SPOCK3: variants seen among roughly 807,000 people sequenced by gnomAD.
SPOCK3 encodes SPARC (osteonectin), cwcv and kazal like domains proteoglycan 3, also known as testican-3.
In SPOCK3, 30 loss-of-function variants were observed where a neutral mutation model predicts 56.6. The observed-to-expected ratio is 0.53, with a 90% confidence interval of 0.40 to 0.72. The LOEUF (loss-of-function observed/expected upper bound fraction) is 0.72, where lower values mean the gene tolerates loss of function less well. Among genes scored for constraint, SPOCK3 ranks in the 30% least tolerant of loss-of-function variants. The pLI is 0.00. For synonymous variants in SPOCK3, 196 were observed against 183.3 expected (o/e 1.07, Z -0.56); for missense variants, 527 against 530.0 (o/e 0.99, Z 0.06).
intron 2 of SPOCK3, among the ~76,000 whole-genome samples, chr4:167,176,834 G>A (rs575155350): frequency 1.6e-4 from 24 of 152,242 alleles, no homozygotes; most frequent in African/African-American, 5.3e-4. Flanking sequence ...GTGGTTCACG[G>A]GGGCAGAGAG....
intron 4 of SPOCK3, among the ~76,000 whole-genome samples, chr4:166,946,773 T>C (rs1252593290): frequency 6.6e-6 from 1 of 152,222 alleles, no homozygotes; most frequent in African/African-American, 2.4e-5. Context: ...TACACTATAA[T>C]GTAAGTACAG....
chr4:166,811,846 T>G (rs1422516063), intron 6 of SPOCK3, among the ~76,000 whole-genome samples: 2 of 151,916 alleles, frequency 1.3e-5, no homozygotes, highest in Non-Finnish European at 2.9e-5. Flanking sequence ...TAGTATTTTT[T>G]TATTACTACT....
intron 5 of SPOCK3, among the ~76,000 whole-genome samples, chr4:166,903,024 C>CTGT (rs1736222623): frequency 6.7e-6 from 1 of 149,298 alleles, no homozygotes; most frequent in Non-Finnish European, 1.5e-5. Flanking sequence ...ACTCTTGCTC[C>CTGT]TGTTAGCTTG....
intron 2 of SPOCK3, among the ~76,000 whole-genome samples, chr4:167,063,965 CAT>C (rs1201276836): frequency 6.6e-6 from 1 of 151,840 alleles, no homozygotes; most frequent in African/African-American, 2.4e-5. Context: ...CTGTGATAAA[CAT>C]ATGAGTGCAA....
intron 2 of SPOCK3, among the ~76,000 whole-genome samples, chr4:167,154,627 C>T (rs1475186725): frequency 6.6e-6 from 1 of 152,116 alleles, no homozygotes; most frequent in Non-Finnish European, 1.5e-5. Flanking sequence ...ACAATCCTCC[C>T]ATAACCTGTT....
intron 2 of SPOCK3, among the ~76,000 whole-genome samples, chr4:167,145,261 T>C (rs1039933801): frequency 6.6e-6 from 1 of 152,026 alleles, no homozygotes; most frequent in Admixed American, 6.6e-5. Flanking sequence ...GTGGAAGAAG[T>C]AGCTGGGCAG....
Position 167,182,601 on chromosome 4 carries a change from G to A in SPOCK3, c.189+51384C>T, listed in dbSNP as rs367979367. Among the ~76,000 whole-genome samples, 17 of 151,758 alleles carry A rather than the reference G, an allele frequency of 1.1e-4. No individual in the cohort carries two copies. In the East Asian group the frequency reaches 1.6e-3, roughly 14 times the overall value. ...ATTGCCCAGGCTGGAGTGTAGTGGTGCAATCTTAGCTTACTGCAACCCCTG... is the reference window on the plus strand; with the variant it reads ...ATTGCCCAGGCTGGAGTGTAGTGGTACAATCTTAGCTTACTGCAACCCCTG... On this transcript the variant is annotated intron_variant, in intron 2 of 10. Transcript: ENST00000357545.
rs2111195684 is a variant in SPOCK3 at position 167,233,967 on chromosome 4, T to G, written c.189+18A>C. 1 of 1,607,512 alleles carries G rather than the reference T, an allele frequency of 6.2e-7. No individual in the cohort carries two copies. Among genetic ancestry groups the G allele is most frequent in the Non-Finnish European group, 8.5e-7 (1 of 1,174,518 alleles). On this transcript the variant is annotated intron_variant, in intron 2 of 10. Transcript: ENST00000357545. ...CAGCGCGCGCGTGTGCCCGGGGATGTGGGTGCGCGGAACTTACGTCTCGGA... is the reference window on the plus strand; with the variant it reads ...CAGCGCGCGCGTGTGCCCGGGGATGGGGGTGCGCGGAACTTACGTCTCGGA...
chr4:166,915,639 G>T (rs920098062), intron 4 of SPOCK3, among the ~76,000 whole-genome samples: 1 of 152,098 alleles, frequency 6.6e-6, no homozygotes, highest in African/African-American at 2.4e-5. Context: ...CATTGTATAG[G>T]TGAAGATGAG....
intron 6 of SPOCK3, among the ~76,000 whole-genome samples, chr4:166,875,330 AT>A (rs1732963435): frequency 6.6e-6 from 1 of 152,068 alleles, no homozygotes; most frequent in African/African-American, 2.4e-5. Context: ...TATATTATTA[AT>A]TTTAATGGTG....
chr4:167,042,797 T>C (rs1156855183), intron 3 of SPOCK3, among the ~76,000 whole-genome samples: 1 of 152,120 alleles, frequency 6.6e-6, no homozygotes, highest in Non-Finnish European at 1.5e-5. Context: ...TCAACCAAGT[T>C]TACTTCCAGA....
chr4:166,921,325 T>G (rs1237446533), intron 4 of SPOCK3, among the ~76,000 whole-genome samples: 1 of 142,992 alleles, frequency 7.0e-6, no homozygotes, highest in Admixed American at 6.9e-5. Context: ...TGTGTTGAAT[T>G]TTTTTTTTTT....
chr4:166,999,938 A>C (rs1748779400), intron 4 of SPOCK3, among the ~76,000 whole-genome samples: 1 of 152,128 alleles, frequency 6.6e-6, no homozygotes, highest in South Asian at 2.1e-4. Flanking sequence ...CGTGACTTTT[A>C]ATCTCTTTTT....
chr4:167,228,553 G>A (rs918255793), intron 2 of SPOCK3, among the ~76,000 whole-genome samples: 33 of 152,128 alleles, frequency 2.2e-4, no homozygotes, highest in African/African-American at 7.7e-4. Context: ...GACATTCTCT[G>A]ACCTGCCTTC....
At chr4:166,767,940 G>A (rs568232369) in intron 7 of SPOCK3, among the ~76,000 whole-genome samples, 10 of 152,122 alleles carry the variant, frequency 6.6e-5, no homozygotes, top group Admixed American at 1.3e-4. Context: ...TTACCATTAT[G>A]TAATGGCCTT....
chr4:167,217,590 A>G (rs1735495033), intron 2 of SPOCK3, among the ~76,000 whole-genome samples: 1 of 152,084 alleles, frequency 6.6e-6, no homozygotes, highest in Admixed American at 6.6e-5. Flanking sequence ...CCCCATGGAT[A>G]CTGAGAGAAG....
intron 2 of SPOCK3, among the ~76,000 whole-genome samples, chr4:167,101,084 T>C (rs1350664144): frequency 6.6e-6 from 1 of 152,158 alleles, no homozygotes; most frequent in Non-Finnish European, 1.5e-5. Flanking sequence ...TAATTGAAAC[T>C]GGCTCTGTAC....
chr4:166,744,516 G>T (rs1286132147), intron 8 of SPOCK3, among the ~76,000 whole-genome samples: 3 of 151,866 alleles, frequency 2.0e-5, no homozygotes, highest in African/African-American at 7.3e-5. Flanking sequence ...GATAAAACCA[G>T]AAAGATGGGA....
intron 2 of SPOCK3, 113 bp from the exon 3 acceptor site, chr4:167,062,650 C>A: frequency 1.4e-6 from 1 of 695,368 alleles, no homozygotes; most frequent in South Asian, 2.0e-5. Flanking sequence ...ACCTCTACTT[C>A]CTGCAATGGC....
Sources: gnomAD v4.1 joint callset for allele counts (sites outside exome capture counted in the v4.1 genomes callset) on GRCh38, gnomAD v4.1.1 for gene constraint, MANE v1.5 for transcripts, NCBI Gene and HGNC (gene_info 2026-07-23, HGNC 2026-07-21) for gene names.